Variants in GBA2 observed in about 807,000 individuals in gnomAD.
GBA2 encodes the protein non-lysosomal glucosylceramidase.
Under a neutral mutation model 112.9 loss-of-function variants are expected in GBA2, and 79 were observed. The ratio of observed to expected loss-of-function variants is 0.70; its 90% confidence interval spans 0.58 to 0.84. GBA2 has a LOEUF of 0.84. GBA2 is among the 40% of genes least tolerant of loss of function. The pLI is 0.00. For missense variants in GBA2, 1,043 were observed against 1,190.0 expected, an observed-to-expected ratio of 0.88 and a Z score of 1.82; for synonymous variants, 403 against 434.3, an observed-to-expected ratio of 0.93 and a Z score of 0.90.
Position 35,741,598 on chromosome 9 carries a change from G to C in GBA2, c.786+74C>G, listed in dbSNP as rs971108248. The C allele has an allele frequency of 2.0e-6, 2 of 1,025,344 alleles. No homozygotes were observed. Among genetic ancestry groups the C allele is most frequent in the East Asian group, 2.4e-5 (1 of 42,174 alleles). The allele number at this position is 1,025,344 out of a possible 1,614,324, so 63.5% of individuals were successfully genotyped here. A position where few individuals can be genotyped will look rare whatever the true frequency, so the allele number is the denominator to read the frequency against. Reference sequence around the variant, plus strand: ...CAGGCGTGAGCTACCGCGCCTCGCAGGCCATGCAGTTTCTAGCAGAGGCAG... The same window carrying C: ...CAGGCGTGAGCTACCGCGCCTCGCACGCCATGCAGTTTCTAGCAGAGGCAG... On this transcript the variant is annotated intron_variant, in intron 4 of 16. Transcript: ENST00000378103. This position sits in a 1 kb window ranked among gnomAD's most constrained non-coding sequence, Gnocchi z 4.6.
rs1376151840 is a variant in GBA2 at position 35,744,315 on chromosome 9, C to G, written c.549G>C (p.Arg183=). 2 of 1,607,134 alleles carry G rather than the reference C, an allele frequency of 1.2e-6. No individual in the cohort carries two copies. The highest frequency in any genetic ancestry group is 2.7e-5 in the African/African-American group (2 of 74,744). The stretch of plus-strand genomic sequence containing the variant: ...CTCTTACTTGGTCAGCGATGACTGT[C>G]CGGTGCTGATACATTCCAGGGTTAA... ...WQLNPGMYQH[R]TVIADQFTVC... is the part of the protein sequence containing the mutation. Residue 183 remains arginine, a synonymous_variant, in exon 3 of 17, where the codon CGG becomes CGC. Transcript: ENST00000378103.
rs938126295 is a variant in GBA2 at position 35,741,154 on chromosome 9, T to C, written c.787-90A>G. 5.8e-6 allele frequency: 8 copies of C among 1,370,158 alleles called. No individual in the cohort carries two copies. The highest frequency in any genetic ancestry group is 8.1e-6 in the Non-Finnish European group (8 of 984,590). The allele number at this position is 1,370,158 out of a possible 1,614,324, so 84.9% of individuals were successfully genotyped here. A position where few individuals can be genotyped will look rare whatever the true frequency, so the allele number is the denominator to read the frequency against. ...ATCAGTCCTGGGCACACAGAGGACC[T>C]GACTCAAATACTCCCCAGTGTACTC... is the stretch of plus-strand genomic sequence containing the variant. On this transcript the variant is annotated intron_variant, in intron 4 of 16. Coordinates refer to ENST00000378103, the MANE Select transcript of GBA2 (RefSeq NM_020944.3). This position sits in a 1 kb window ranked among gnomAD's most constrained non-coding sequence, Gnocchi z 4.6.
In GBA2 at chr9:35,739,819, GAAATGGTT is replaced by G. The variant is rs2131965760; in HGVS notation, c.1410-27_1410-20del. The G allele has an allele frequency of 6.2e-7, 1 of 1,612,078 alleles. No homozygotes were observed. Among genetic ancestry groups the G allele is most frequent in the Admixed American group, 1.7e-5 (1 of 59,988 alleles). On this transcript the variant is annotated intron_variant, in intron 8 of 16. Transcript: ENST00000378103. ...CAGTGATCTGGGAAGCGAGGAGGAGGAAATGGTTTAAGGAACATGTACCTCCCAAGATG... is the reference window on the plus strand; with the variant it reads ...CAGTGATCTGGGAAGCGAGGAGGAGGTAAGGAACATGTACCTCCCAAGATG...
intron 1 of GBA2, 60 bp downstream of exon 1, chr9:35,748,286 G>C (rs1443934508): frequency 2.5e-5 from 26 of 1,045,150 alleles, no homozygotes; most frequent in Non-Finnish European, 3.0e-5. Flanking sequence ...ACCTCTGCTA[G>C]AAGTTTTGAG....
In GBA2 at chr9:35,740,676, G is replaced by T. The variant is rs371179696; in HGVS notation, c.1027-48C>A. The T allele has an allele frequency of 6.5e-7, 1 of 1,536,422 alleles. No homozygotes were observed. The highest frequency in any genetic ancestry group is 9.0e-7 in the Non-Finnish European group (1 of 1,110,866). On this transcript the variant is annotated intron_variant, in intron 5 of 16. Transcript: ENST00000378103. This position sits in a 1 kb window ranked among gnomAD's most constrained non-coding sequence, Gnocchi z 4.7. The stretch of plus-strand genomic sequence containing the variant: ...GAGGGCAGGCTCCACGAGTACACTG[G>T]GTCCCGGCTAGCTCCCCAGCTCCTC...
At position 35,737,763 on chromosome 9, in the gene GBA2, A is replaced by G; in HGVS notation, c.2490T>C (p.Ala830=). Residue 830 remains alanine, a synonymous_variant, in exon 16 of 17, where the codon GCT becomes GCC. Transcript: ENST00000378103. The surrounding 1 kb of genome is among the most constrained non-coding windows in gnomAD (Gnocchi z 4.1). ...AGTGCATTACCTCTTGGATCATGGT[A>G]GCTGCCAGCCCGTAGACCACACCCA... ...VWVGVVYGLA[A]TMIQEGLTWE... 2 of 1,613,786 alleles carry G rather than the reference A, an allele frequency of 1.2e-6. No homozygotes were observed. The highest frequency in any genetic ancestry group is 8.5e-7 in the Non-Finnish European group (1 of 1,179,690).
intron 1 of GBA2, among the ~76,000 whole-genome samples, chr9:35,747,841 C>A (rs1827055023): frequency 6.6e-6 from 1 of 152,210 alleles, no homozygotes; most frequent in African/African-American, 2.4e-5. Flanking sequence ...CTCTTCTTAC[C>A]TACTCCCTGG....
At chr9:35,745,502 A>G (rs1477045513) in intron 1 of GBA2, among the ~76,000 whole-genome samples, 1 of 151,282 alleles carries the variant, frequency 6.6e-6, no homozygotes, top group Non-Finnish European at 1.5e-5. Context: ...TCACCCATAG[A>G]CAATCAGTGT....
In GBA2 at chr9:35,738,570, G is replaced by C. The variant is rs762334845; in HGVS notation, c.2010C>G (p.Gly670=). The change falls in exon 13 of 17, where the codon GGC becomes GGG. Residue 670 remains glycine, a synonymous_variant. Coordinates refer to ENST00000378103, the MANE Select transcript of GBA2 (RefSeq NM_020944.3). The part of the protein sequence containing the change: ...KDHDGLIENG[G]YADQTYDGWV... ...ATCCATCATAGGTCTGGTCTGCATA[G>C]CCTCCATTTTCAATGAGTCCATCAT... 6.2e-7 allele frequency: 1 copy of C among 1,613,770 alleles called. No individual in the cohort carries two copies. Among genetic ancestry groups the C allele is most frequent in the Non-Finnish European group, 8.5e-7 (1 of 1,179,778 alleles).
rs1826660798 is a variant in GBA2, at chr9:35,741,291, G to A, written c.787-227C>T. On this transcript the variant is annotated intron_variant, in intron 4 of 16. Coordinates refer to ENST00000378103, the MANE Select transcript of GBA2 (RefSeq NM_020944.3). The surrounding 1 kb of genome is among the most constrained non-coding windows in gnomAD (Gnocchi z 4.6). Reference sequence around the variant, plus strand: ...TCTGGGAAGCCAGTGTGATGTTCATGGCTCCAACCTCCCTTTCACAGGCCA... The same window carrying A: ...TCTGGGAAGCCAGTGTGATGTTCATAGCTCCAACCTCCCTTTCACAGGCCA... The A allele has an allele frequency of 1.7e-6, 1 of 576,006 alleles. No individual in the cohort carries two copies. Among genetic ancestry groups the A allele is most frequent in the African/African-American group, 1.9e-5 (1 of 53,414 alleles). The allele number at this position is 576,006 out of a possible 1,614,324, so 35.7% of individuals were successfully genotyped here.
At chr9:35,745,045 A>G (rs752310986) in intron 1 of GBA2, among the ~76,000 whole-genome samples, 6 of 152,178 alleles carry the variant, frequency 3.9e-5, no homozygotes, top group Non-Finnish European at 5.9e-5. Context: ...CCTGGCCTAC[A>G]GCCTCCGCCC....
At chr9:35,744,879 C>T (rs1826897202) in intron 1 of GBA2, among the ~76,000 whole-genome samples, 173 bp from the exon 2 acceptor site, 1 of 152,156 alleles carries the variant, frequency 6.6e-6, no homozygotes, top group Admixed American at 6.5e-5. Context: ...TTCCCAGTCA[C>T]CCCAGCTGAA....
chr9:35,745,545 C>CT (rs534174969), intron 1 of GBA2, among the ~76,000 whole-genome samples: 3,039 of 132,860 alleles, frequency 0.023, 78 homozygotes, highest in African/African-American at 0.068. Flanking sequence ...CCTCTCAAGC[C>CT]TTTTTTTTTT....
chr9:35,741,598 G>T lies in GBA2; in HGVS notation c.786+74C>A. 1 of 1,025,462 alleles carries T rather than the reference G, an allele frequency of 9.8e-7. No homozygotes were observed. Among genetic ancestry groups the T allele is most frequent in the Non-Finnish European group, 1.6e-6 (1 of 643,566 alleles). 63.5% of individuals were successfully genotyped at this position (1,025,462 alleles called of 1,614,324 possible). On this transcript the variant is annotated intron_variant, in intron 4 of 16. Coordinates refer to ENST00000378103, the MANE Select transcript of GBA2 (RefSeq NM_020944.3). The surrounding 1 kb of genome is among the most constrained non-coding windows in gnomAD (Gnocchi z 4.6). Reference sequence around the variant, plus strand: ...CAGGCGTGAGCTACCGCGCCTCGCAGGCCATGCAGTTTCTAGCAGAGGCAG... The same window carrying T: ...CAGGCGTGAGCTACCGCGCCTCGCATGCCATGCAGTTTCTAGCAGAGGCAG...
Position 35,741,036 on chromosome 9 carries a change from A to G in GBA2, c.815T>C (p.Val272Ala), listed in dbSNP as rs142602400. The change falls in exon 5 of 17, where the codon GTG (valine) becomes GCG (alanine). Residue 272 changes from valine (V) to alanine (A), a missense_variant. Val to Ala is a moderately conservative substitution (Grantham distance 64). Coordinates refer to ENST00000378103, the MANE Select transcript of GBA2 (RefSeq NM_020944.3). The surrounding 1 kb of genome is among the most constrained non-coding windows in gnomAD (Gnocchi z 4.6). ...GTCCCCTTCATTTTCCACATCCCAC[A>G]CAAAGACTCCTACAGGCAGGCTGCT... ...QDSSLPVGVF[V>A]WDVENEGDEA... 2.4e-4 allele frequency: 382 copies of G among 1,614,044 alleles called. 1 individual carries two copies. In the African/African-American group the frequency reaches 4.6e-3, roughly 19 times the overall value.
At position 35,738,515 on chromosome 9, in the gene GBA2, T is replaced by G. The variant is rs746154591; in HGVS notation, c.2054+11A>C. On this transcript the variant is annotated intron_variant, in intron 13 of 16. Coordinates refer to ENST00000378103, the MANE Select transcript of GBA2 (RefSeq NM_020944.3). ...TCACCTCAGGCCTCCTGGAAACCCC[T>G]ACCCGCTAACCTGGGGCCTGTGGTC... is the stretch of plus-strand genomic sequence containing the variant. The G allele has an allele frequency of 1.2e-6, 2 of 1,605,962 alleles. No homozygotes were observed. The highest frequency in any genetic ancestry group is 1.7e-5 in the Admixed American group (1 of 60,010).
rs1024609240 is a variant in GBA2, at chr9:35,742,029, G to T, written c.568-139C>A. On this transcript the variant is annotated intron_variant, in intron 3 of 16. Transcript: ENST00000378103. ...CCATCAGCTTCAAGTCATCCCCCAG[G>T]CTCAGTGAATCACCAAGTCCTGCTA... is the stretch of plus-strand genomic sequence containing the variant. The T allele has an allele frequency of 4.5e-6, 3 of 663,108 alleles. No homozygotes were observed. The African/African-American group carries it at 5.3e-5, about 12-fold the overall frequency. 41.1% of individuals were successfully genotyped at this position (663,108 alleles called of 1,614,324 possible). A position where few individuals can be genotyped will look rare whatever the true frequency, so the allele number is the denominator to read the frequency against.
Position 35,738,811 on chromosome 9 carries a change from G to A in GBA2, c.1888C>T (p.Arg630Trp), listed in dbSNP as rs398123012. 22 of 1,613,908 alleles carry A rather than the reference G, an allele frequency of 1.4e-5. No homozygotes were observed. The highest frequency in any genetic ancestry group is 6.7e-5 in the Admixed American group (4 of 60,006). Residue 630 changes from arginine (R) to tryptophan (W), a missense_variant, in exon 12 of 17, where the codon CGG (arginine) becomes TGG (tryptophan). By Grantham distance (101) the Arg-to-Trp change is moderately radical. Transcript: ENST00000378103. ...LNLKFVLQVYRDYYLTGDQNF... is the reference protein window; with the variant it reads ...LNLKFVLQVYWDYYLTGDQNF... The stretch of plus-strand genomic sequence containing the variant: ...TGATCACCCGTGAGGTAATAGTCCC[G>A]ATAAACCTGCAGCACAAACTTCAGG...
In GBA2 at chr9:35,739,115, G is replaced by A; in HGVS notation, c.1688-6C>T. ...CTCCCTGAGAGTGGCCAGAGCTGGG[G>A]GAGAGACACAGAAGGGAGGCAGGGA... On this transcript the variant is annotated splice_region_variant and splice_polypyrimidine_tract_variant and intron_variant, in intron 10 of 16. Transcript: ENST00000378103. The A allele has an allele frequency of 1.3e-6, 2 of 1,520,636 alleles. No homozygotes were observed. Among genetic ancestry groups the A allele is most frequent in the East Asian group, 4.9e-5 (2 of 40,982 alleles). 94.2% of individuals were successfully genotyped at this position (1,520,636 alleles called of 1,614,324 possible). A position where few individuals can be genotyped will look rare whatever the true frequency, so the allele number is the denominator to read the frequency against.
Sources: gnomAD v4.1 joint callset for allele counts (sites outside exome capture counted in the v4.1 genomes callset) on GRCh38, gnomAD v4.1.1 for gene constraint, Gnocchi (gnomAD v3.1) non-coding constraint, MANE v1.5 for transcripts, NCBI Gene and HGNC (gene_info 2026-07-23, HGNC 2026-07-21) for gene names.